Variants in MAMDC2 observed in about 807,000 individuals in gnomAD.
The protein encoded by MAMDC2 is MAM domain-containing protein 2.
In MAMDC2, 57 loss-of-function variants were observed where a neutral mutation model predicts 89.8. That is an observed-to-expected ratio of 0.63 (90% CI 0.51 to 0.79). The LOEUF is 0.79. Ranked by LOEUF, MAMDC2 falls within the 30% of genes least tolerant of loss-of-function variation. MAMDC2 has a pLI of 0.00. For synonymous variants in MAMDC2, 313 were observed against 293.4 expected (o/e 1.07, Z -0.68); for missense variants, 800 against 820.6 (o/e 0.97, Z 0.31).
chr9:70,079,544 G>C (rs534311090), intron 2 of MAMDC2, among the ~76,000 whole-genome samples: 1 of 152,120 alleles, frequency 6.6e-6, no homozygotes, highest in Non-Finnish European at 1.5e-5. Context: ...GGTCTGCTGG[G>C]GGGTTATGAA....
At chr9:70,201,453 G>C (rs372481669) in intron 11 of MAMDC2, among the ~76,000 whole-genome samples, 251 of 1,722 alleles carry the variant, frequency 0.15, 31 homozygotes, top group East Asian at 0.58. Flanking sequence ...GATTCGGTTT[G>C]CCAGTATTTT....
intron 11 of MAMDC2, among the ~76,000 whole-genome samples, chr9:70,209,312 G>C (rs1052022394): frequency 2.0e-5 from 3 of 152,130 alleles, no homozygotes; most frequent in African/African-American, 7.2e-5. Flanking sequence ...TTCAGAGTCT[G>C]TTATTCCTCT....
intron 11 of MAMDC2, among the ~76,000 whole-genome samples, chr9:70,174,414 A>T (rs576817891): frequency 6.6e-6 from 1 of 152,162 alleles, no homozygotes; most frequent in Non-Finnish European, 1.5e-5. Flanking sequence ...GAGTTAGGGA[A>T]TCGAGAGGAG....
rs145098690 is a variant in MAMDC2 at position 70,192,667 on chromosome 9, C to A, written c.1651+22036C>A. On this transcript the variant is annotated intron_variant, in intron 11 of 13. Coordinates refer to ENST00000377182, the MANE Select transcript of MAMDC2 (RefSeq NM_153267.5). ...TTGAGTAATAAATATTGGTGACATC[C>A]AACTATGTTAAAGAAAAAATTATGT... 4.3e-3 allele frequency among the ~76,000 whole-genome samples: 658 copies of A among 152,096 alleles called. 2 individuals are homozygous for A. Among genetic ancestry groups the A allele is most frequent in the Non-Finnish European group, 7.4e-3 (502 of 67,982 alleles).
intron 2 of MAMDC2, chr9:70,089,374 C>T (rs1305492239): frequency 6.6e-6 from 1 of 152,134 alleles, no homozygotes; most frequent in Non-Finnish European, 1.5e-5. Flanking sequence ...TAATCCCTTG[C>T]CCTTTATCAT....
chr9:70,107,640 C>G (rs1828377153), intron 2 of MAMDC2, among the ~76,000 whole-genome samples: 1 of 152,182 alleles, frequency 6.6e-6, no homozygotes, highest in Non-Finnish European at 1.5e-5. Flanking sequence ...TTACAATGTA[C>G]TTTTTCTGCC....
intron 2 of MAMDC2, among the ~76,000 whole-genome samples, chr9:70,097,984 T>C (rs918415332): frequency 6.6e-6 from 1 of 152,300 alleles, no homozygotes; most frequent in Non-Finnish European, 1.5e-5. Flanking sequence ...CGAAACTCCA[T>C]GGGGAAACCC....
chr9:70,051,770 T>G (rs1826902013), intron 2 of MAMDC2, among the ~76,000 whole-genome samples: 1 of 152,202 alleles, frequency 6.6e-6, no homozygotes, highest in Non-Finnish European at 1.5e-5. Context: ...TCAATTTTTC[T>G]TATGCTTTTC....
intron 3 of MAMDC2, among the ~76,000 whole-genome samples, chr9:70,108,819 T>G (rs1162980737): frequency 6.6e-6 from 1 of 152,242 alleles, no homozygotes; most frequent in East Asian, 1.9e-4. Flanking sequence ...TTCTAAATTG[T>G]GTGTGCTATG....
Position 70,096,877 on chromosome 9 carries a change from G to A in MAMDC2, c.149-11334G>A, listed in dbSNP as rs149751537. Among the ~76,000 whole-genome samples, 280 of 152,284 alleles carry A rather than the reference G, an allele frequency of 1.8e-3. 2 individuals carry two copies. The highest frequency in any genetic ancestry group is 6.4e-3 in the African/African-American group (265 of 41,552). ...GAGGAAAAGAACATTTCAAGATCACGATGTTGATGCTGCTGCCATGCGATT... is the reference window on the plus strand; with the variant it reads ...GAGGAAAAGAACATTTCAAGATCACAATGTTGATGCTGCTGCCATGCGATT... On this transcript the variant is annotated intron_variant, in intron 2 of 13. Transcript: ENST00000377182.
intron 9 of MAMDC2, among the ~76,000 whole-genome samples, chr9:70,165,212 G>A (rs752301277): frequency 1.3e-5 from 2 of 152,138 alleles, no homozygotes; most frequent in Non-Finnish European, 2.9e-5. Context: ...AACAGGACAA[G>A]ATGTTTGACT....
At chr9:70,055,644 C>T (rs1223862751) in intron 2 of MAMDC2, among the ~76,000 whole-genome samples, 1 of 152,160 alleles carries the variant, frequency 6.6e-6, no homozygotes, top group East Asian at 1.9e-4. Flanking sequence ...GTCTCCCGGG[C>T]AGTGGTGAGC....
At chr9:70,118,155 CCT>C (rs1163042599) in intron 5 of MAMDC2, among the ~76,000 whole-genome samples, 7 of 149,494 alleles carry the variant, frequency 4.7e-5, no homozygotes, top group Non-Finnish European at 8.8e-5. Flanking sequence ...CAGAGGAACC[CCT>C]GAGTTCCAGG....
At chr9:70,096,026 T>C (rs1289671308) in intron 2 of MAMDC2, among the ~76,000 whole-genome samples, 3 of 152,120 alleles carry the variant, frequency 2.0e-5, no homozygotes, top group Non-Finnish European at 1.5e-5. Flanking sequence ...ATTTAAGTTT[T>C]TTTTTTCTTT....
chr9:70,130,493 G>A (rs993495068), intron 6 of MAMDC2, among the ~76,000 whole-genome samples: 4 of 152,152 alleles, frequency 2.6e-5, no homozygotes, highest in African/African-American at 9.7e-5. Context: ...TTCCAGCACA[G>A]GTGAAGGCTG....
intron 4 of MAMDC2, among the ~76,000 whole-genome samples, chr9:70,110,934 G>C (rs1234137564): frequency 6.6e-6 from 1 of 152,186 alleles, no homozygotes; most frequent in Non-Finnish European, 1.5e-5. Flanking sequence ...AGAGAAAGGA[G>C]AGTCAAAGAA....
chr9:70,210,459 G>C (rs1407105769), intron 11 of MAMDC2, among the ~76,000 whole-genome samples: 1 of 152,100 alleles, frequency 6.6e-6, no homozygotes, highest in Non-Finnish European at 1.5e-5. Flanking sequence ...TGCAACCCCT[G>C]CCTTTTTCTT....
chr9:70,168,623 T>C, intron 9 of MAMDC2, 79 bp from the exon 10 acceptor site: 1 of 1,133,922 alleles, frequency 8.8e-7, no homozygotes, highest in Non-Finnish European at 1.3e-6. Flanking sequence ...TCGCCTGCTG[T>C]GCTAAGTGAA....
intron 12 of MAMDC2, among the ~76,000 whole-genome samples, chr9:70,224,059 G>T (rs2033608683): frequency 6.6e-6 from 1 of 152,134 alleles, no homozygotes. Flanking sequence ...CAAAAAAACA[G>T]ATTTTATTGT....
Sources: gnomAD v4.1 joint callset for allele counts (sites outside exome capture counted in the v4.1 genomes callset) on GRCh38, gnomAD v4.1.1 for gene constraint, MANE v1.5 for transcripts, NCBI Gene and HGNC (gene_info 2026-07-23, HGNC 2026-07-21) for gene names.